The following WWOX variants were observed in gnomAD, a reference collection of about 807,000 sequenced individuals.
WWOX encodes the protein WW domain containing oxidoreductase.
WWOX carries 69 observed loss-of-function variants against 46.2 expected under a neutral mutation model. The ratio of observed to expected loss-of-function variants is 1.49; its 90% CI spans 1.23 to 1.82. The LOEUF (loss-of-function observed/expected upper bound fraction) is 1.82. WWOX is among the 40% of genes most tolerant of loss of function. The probability of loss-of-function intolerance (pLI) is 0.00; values close to 1 mark genes in which losing one functional copy is unlikely to be tolerated. For synonymous variants in WWOX, 359 were observed against 202.6 expected (o/e 1.77, Z -6.56); for missense variants, 919 against 542.6 (o/e 1.69, Z -6.89).
At chr16:78,470,960 C>G (rs1045313446) in intron 8 of WWOX, among the ~76,000 whole-genome samples, 1 of 152,212 alleles carries the variant, frequency 6.6e-6, no homozygotes, top group Non-Finnish European at 1.5e-5. Context: ...ATGACAGATT[C>G]TAGCCATCAA....
chr16:78,138,066 G>T (rs1486973891), intron 4 of WWOX, among the ~76,000 whole-genome samples: 1 of 150,616 alleles, frequency 6.6e-6, no homozygotes, highest in African/African-American at 2.5e-5. Context: ...GAGGAAAGTT[G>T]TCTAGCAGAC....
chr16:78,557,600 A>G (rs1430526366), intron 8 of WWOX, among the ~76,000 whole-genome samples: 1 of 151,700 alleles, frequency 6.6e-6, no homozygotes, highest in Non-Finnish European at 1.5e-5. Context: ...ATGACCCTCT[A>G]TCACAGCCTT....
At chr16:78,723,617 CT>C (rs1199685457) in intron 8 of WWOX, among the ~76,000 whole-genome samples, 3 of 69,848 alleles carry the variant, frequency 4.3e-5, no homozygotes, top group East Asian at 3.6e-4. Flanking sequence ...CTTTTCTTTT[CT>C]TTTCTTTTCT....
intron 8 of WWOX, among the ~76,000 whole-genome samples, chr16:78,760,390 A>T (rs1017303477): frequency 1.3e-5 from 2 of 152,136 alleles, no homozygotes; most frequent in Non-Finnish European, 2.9e-5. Flanking sequence ...ATATCACAGG[A>T]TAGTTCCCCA....
At chr16:78,867,323 T>C (rs1006520467) in intron 8 of WWOX, among the ~76,000 whole-genome samples, 1 of 152,188 alleles carries the variant, frequency 6.6e-6, no homozygotes, top group African/African-American at 2.4e-5. Flanking sequence ...TTCTATTTTA[T>C]GTACATATTT....
chr16:78,596,110 A>G (rs548355879), intron 8 of WWOX, among the ~76,000 whole-genome samples: 1 of 152,324 alleles, frequency 6.6e-6, no homozygotes, highest in South Asian at 2.1e-4. Flanking sequence ...TATATGTATT[A>G]TACATGGTAG....
At chr16:78,777,485 T>C (rs961883202) in intron 8 of WWOX, among the ~76,000 whole-genome samples, 2 of 152,128 alleles carry the variant, frequency 1.3e-5, no homozygotes, top group African/African-American at 4.8e-5. Flanking sequence ...ACATTGCAAA[T>C]ACAGACGTAG....
At chr16:78,468,380 C>A (rs9928087) in intron 8 of WWOX, among the ~76,000 whole-genome samples, 17,937 of 151,864 alleles carry the variant, frequency 0.12, 1,225 homozygotes, top group Non-Finnish European at 0.16. Flanking sequence ...ACCTTAACCC[C>A]ACGTATTGTT....
intron 5 of WWOX, among the ~76,000 whole-genome samples, chr16:78,364,570 G>C (rs1215642991): frequency 6.6e-6 from 1 of 150,762 alleles, no homozygotes; most frequent in East Asian, 2.0e-4. Context: ...AAATGGGAAA[G>C]AAAAAAAAAA....
intron 5 of WWOX, among the ~76,000 whole-genome samples, chr16:78,191,559 G>C (rs1052818374): frequency 2.6e-5 from 4 of 152,172 alleles, no homozygotes; most frequent in African/African-American, 9.7e-5. Context: ...AGCATCCCGT[G>C]TGAATATGTT....
intron 8 of WWOX, among the ~76,000 whole-genome samples, chr16:79,045,412 T>G (rs1311863765): frequency 6.6e-6 from 1 of 152,122 alleles, no homozygotes; most frequent in African/African-American, 2.4e-5. Context: ...CAGAGAGATG[T>G]ACATCATGAT....
intron 8 of WWOX, among the ~76,000 whole-genome samples, chr16:78,540,240 GA>G (rs543785112): frequency 0.022 from 2,955 of 136,582 alleles, 29 homozygotes; most frequent in East Asian, 0.031. Flanking sequence ...AGGAGCAACA[GA>G]AAAAAAAAAA....
chr16:78,515,945 C>A (rs760826004), intron 8 of WWOX, among the ~76,000 whole-genome samples: 2 of 152,118 alleles, frequency 1.3e-5, no homozygotes, highest in African/African-American at 4.8e-5. Context: ...ATTTGTCTCT[C>A]AGTCAATCAG....
chr16:78,401,052 T>G (rs1158644035), intron 6 of WWOX, among the ~76,000 whole-genome samples: 1 of 152,170 alleles, frequency 6.6e-6, no homozygotes, highest in East Asian at 1.9e-4. Flanking sequence ...ACTTCTGGAA[T>G]CAAGTGATCC....
At chr16:78,813,139 T>G (rs1266905282) in intron 8 of WWOX, among the ~76,000 whole-genome samples, 1 of 152,082 alleles carries the variant, frequency 6.6e-6, no homozygotes, top group African/African-American at 2.4e-5. Flanking sequence ...GTTGATTGTT[T>G]TTTAGGAAAA....
intron 8 of WWOX, among the ~76,000 whole-genome samples, chr16:78,567,578 AGTG>A (rs914770414): frequency 3.4e-5 from 5 of 147,944 alleles, no homozygotes; most frequent in African/African-American, 7.5e-5. Flanking sequence ...AAAAAAAAGA[AGTG>A]AGTTTTTTTT....
chr16:78,559,436 A>C (rs1373724791), intron 8 of WWOX, among the ~76,000 whole-genome samples: 1 of 152,344 alleles, frequency 6.6e-6, no homozygotes, highest in East Asian at 1.9e-4. Flanking sequence ...ATCAAATTCT[A>C]GCATGAGACT....
intron 8 of WWOX, among the ~76,000 whole-genome samples, chr16:78,980,342 G>C (rs546765684): frequency 6.6e-6 from 1 of 152,238 alleles, no homozygotes; most frequent in Non-Finnish European, 1.5e-5. Flanking sequence ...TTTATTTTGA[G>C]TAAACACTTG....
intron 8 of WWOX, among the ~76,000 whole-genome samples, chr16:78,625,809 C>G (rs2046298720): frequency 1.6e-5 from 2 of 122,796 alleles, no homozygotes; most frequent in South Asian, 5.3e-4. Context: ...GCAAAAACTG[C>G]AAAAGTAATT....
Sources: allele counts gnomAD v4.1 joint callset (sites outside exome capture counted in the v4.1 genomes callset), GRCh38; gene constraint gnomAD v4.1.1; transcripts MANE v1.5; gene names NCBI Gene and HGNC (gene_info 2026-07-23, HGNC 2026-07-21).